Variants in MRPL38 observed in about 807,000 individuals in gnomAD.
The protein encoded by MRPL38 is mitochondrial ribosomal protein L38.
In MRPL38, 51 loss-of-function variants were observed where a neutral mutation model predicts 52.1. The ratio of observed to expected loss-of-function variants is 0.98; its 90% confidence interval spans 0.78 to 1.24. The LOEUF (loss-of-function observed/expected upper bound fraction) is 1.24. MRPL38 is among the 50% of genes most tolerant of loss of function. The probability of loss-of-function intolerance (pLI) is 0.00; values close to 1 mark genes in which losing one functional copy is unlikely to be tolerated. For missense variants in MRPL38, 527 were observed against 518.6 expected (o/e 1.02, Z -0.16); for synonymous variants, 245 against 212.7 (o/e 1.15, Z -1.32).
chr17:75,899,143 C>T lies in MRPL38; in HGVS notation c.1006+15G>A, dbSNP rs374160575. The T allele has an allele frequency of 3.8e-6, 6 of 1,594,078 alleles. No homozygotes were observed. Among genetic ancestry groups the T allele is most frequent in the Non-Finnish European group, 3.4e-6 (4 of 1,171,396 alleles). ...AGCTCAGGCCCACCCAGTGCCCCAG[C>T]CCCATGGCCCTTACCCAGAAGCTGG... On this transcript the variant is annotated intron_variant, in intron 8 of 8. Transcript: ENST00000309352.
Position 75,902,040 on chromosome 17 carries a change from C to G in MRPL38, c.362G>C (p.Arg121Pro). The G allele has an allele frequency of 8.1e-6, 13 of 1,613,504 alleles. No individual in the cohort carries two copies. The highest frequency in any genetic ancestry group is 1.1e-5 in the Non-Finnish European group (13 of 1,179,760). ...QELRANVEEE[R>P]AARLRTASVP... is the part of the protein sequence containing the mutation. The stretch of plus-strand genomic sequence containing the variant: ...CTTACCTGTGCGGAGGCGGGCAGCC[C>G]GCTCCTCTTCCACATTGGCCCGAAG... Residue 121 changes from arginine (R) to proline (P), a missense_variant, in exon 3 of 9, where the codon CGG becomes CCG. Physicochemically the swap from Arg to Pro is moderately radical, Grantham distance 103 (BLOSUM62 -2). Transcript: ENST00000309352.
At chr17:75,899,794 CTCT>C (rs2065395948) in intron 6 of MRPL38, 120 bp from the exon 7 acceptor site, 1 of 876,886 alleles carries the variant, frequency 1.1e-6, no homozygotes, top group Non-Finnish European at 1.6e-6. Flanking sequence ...CTAAGCATCT[CTCT>C]CCTGGGACAG....
At chr17:75,903,599 G>T (rs923143718) in intron 2 of MRPL38, among the ~76,000 whole-genome samples, 1 of 152,048 alleles carries the variant, frequency 6.6e-6, no homozygotes, top group African/African-American at 2.4e-5. Context: ...GATTTAAATC[G>T]GGCTATTTAG....
Position 75,904,849 on chromosome 17 carries a change from C to G in MRPL38, c.27G>C (p.Ala9=). ...CCCGCCATCTCCGACACTCGCACAG[C>G]GCGGCTCGCCACCAGGGCGCCGCCA... MAAPWWRA[A]LCECRRWRGF... is the part of the protein sequence containing the mutation. The change falls in exon 1 of 9, where the codon GCG becomes GCC. Residue 9 remains alanine, a synonymous_variant. Coordinates refer to ENST00000309352, the MANE Select transcript of MRPL38 (RefSeq NM_032478.4). The G allele has an allele frequency of 1.3e-6, 2 of 1,526,840 alleles. No homozygotes were observed. The highest frequency in any genetic ancestry group is 1.7e-6 in the Non-Finnish European group (2 of 1,143,954). The allele number at this position is 1,526,840 out of a possible 1,614,324, so 94.6% of individuals were successfully genotyped here.
Position 75,902,150 on chromosome 17 carries a change from G to A in MRPL38, c.252C>T (p.Pro84=), listed in dbSNP as rs370442792. The change falls in exon 3 of 9, where the codon CCC becomes CCT. Residue 84 remains proline, a synonymous_variant. Coordinates refer to ENST00000309352, the MANE Select transcript of MRPL38 (RefSeq NM_032478.4). Reference sequence around the variant, plus strand: ...GCAGCCCAATATCAATCTTCTCTTTGGGATCTGGAGTGGGAAGATGTGTGG... The same window carrying A: ...GCAGCCCAATATCAATCTTCTCTTTAGGATCTGGAGTGGGAAGATGTGTGG... ...YREYFGEKTD[P]KEKIDIGLPP... 1.8e-5 allele frequency: 28 copies of A among 1,557,132 alleles called. No homozygotes were observed. In the African/African-American group the frequency reaches 3.7e-4, roughly 20 times the overall value.
rs1410257146 is a variant in MRPL38, at chr17:75,901,689, G to A, written c.591+23C>T. On this transcript the variant is annotated intron_variant, in intron 4 of 8. Transcript: ENST00000309352. The surrounding 1 kb of genome is among the most constrained non-coding windows in gnomAD (Gnocchi z 5.7). Reference sequence around the variant, plus strand: ...GTCTGTGTTTGCACAGGGCAGGGAGGAGGGGCACAAGTGAGTGGTTACCTC... The same window carrying A: ...GTCTGTGTTTGCACAGGGCAGGGAGAAGGGGCACAAGTGAGTGGTTACCTC... 1.2e-6 allele frequency: 2 copies of A among 1,603,428 alleles called. No individual in the cohort carries two copies. Among genetic ancestry groups the A allele is most frequent in the South Asian group, 1.1e-5 (1 of 90,832 alleles).
Position 75,904,538 on chromosome 17 carries a change from A to C in MRPL38, c.247+2T>G, listed in dbSNP as rs760937862. 1 of 1,531,332 alleles carries C rather than the reference A, an allele frequency of 6.5e-7. No individual in the cohort carries two copies. The allele number at this position is 1,531,332 out of a possible 1,614,324, so 94.9% of individuals were successfully genotyped here. On this transcript the variant is annotated splice_donor_variant, in intron 2 of 8. Transcript: ENST00000309352. LOFTEE classifies it high-confidence loss of function. ...GCAGCCCCTGCTCCAGTCGCCCCGC[A>C]CCTGTCTTCTCCCCGAAATACTCTC...
At chr17:75,904,768 C>CGGGGGGGGGGG in intron 1 of MRPL38, 41 bp downstream of exon 1, 1 of 1,056,384 alleles carries the variant, frequency 9.5e-7, no homozygotes, top group Non-Finnish European at 1.2e-6. Flanking sequence ...GCTCGGGCGA[C>CGGGGGGGGGGG]AGCCCCCCCC....
rs745415254 is a variant in MRPL38 at position 75,898,957 on chromosome 17, G to A, written c.1036C>T (p.Arg346Trp). The change falls in exon 9 of 9, where the codon CGG (arginine) becomes TGG (tryptophan). Residue 346 changes from arginine (R) to tryptophan (W), a missense_variant. Physicochemically the swap from Arg to Trp is moderately radical, Grantham distance 101. Coordinates refer to ENST00000309352, the MANE Select transcript of MRPL38 (RefSeq NM_032478.4). Reference protein sequence around the residue: ...DMREPVFEFVRPPPYHPKQKR... With the variant: ...DMREPVFEFVWPPPYHPKQKR... ...TGCTTGGGGTGGTAAGGGGGCGGCC[G>A]CACGAACTCAAACACCGGCTCCCGC... The A allele has an allele frequency of 2.6e-5, 41 of 1,603,828 alleles. 1 individual carries two copies. Among genetic ancestry groups the A allele is most frequent in the Middle Eastern group, 3.4e-4 (2 of 5,960 alleles).
At chr17:75,902,554 G>A (rs991675525) in intron 2 of MRPL38, among the ~76,000 whole-genome samples, 3 of 152,132 alleles carry the variant, frequency 2.0e-5, no homozygotes, top group African/African-American at 7.2e-5. Context: ...GTGAGGGGGC[G>A]GGCACATCTT....
chr17:75,904,768 C>CGGGGGGG, intron 1 of MRPL38, 41 bp downstream of exon 1: 4 of 1,056,380 alleles, frequency 3.8e-6, no homozygotes, highest in Non-Finnish European at 5.0e-6. Flanking sequence ...GCTCGGGCGA[C>CGGGGGGG]AGCCCCCCCC....
At chr17:75,903,704 G>A (rs1254828961) in intron 2 of MRPL38, among the ~76,000 whole-genome samples, 1 of 151,506 alleles carries the variant, frequency 6.6e-6, no homozygotes, top group African/African-American at 2.4e-5. Context: ...TAAATTGTAA[G>A]TTCCTTAAAG....
In MRPL38 at chr17:75,901,334, C is replaced by G. The variant is rs1421561411; in HGVS notation, c.592-61G>C. The G allele has an allele frequency of 4.5e-6, 7 of 1,554,878 alleles. No individual in the cohort carries two copies. Among genetic ancestry groups the G allele is most frequent in the East Asian group, 2.3e-5 (1 of 43,646 alleles). On this transcript the variant is annotated intron_variant, in intron 4 of 8. Transcript: ENST00000309352. The surrounding 1 kb of genome is among the most constrained non-coding windows in gnomAD (Gnocchi z 5.7). ...GGGACAGGCCAGCTGTTGCAGGGAGCCTTGGAGAAAGGGGTGCCCACTCTG... is the reference window on the plus strand; with the variant it reads ...GGGACAGGCCAGCTGTTGCAGGGAGGCTTGGAGAAAGGGGTGCCCACTCTG...
chr17:75,904,632 C>T lies in MRPL38; in HGVS notation c.155G>A (p.Arg52Gln), dbSNP rs139030605. ...TCGGCGCCGGTAGCGGTCGAAGCTC[C>T]GGTACTTCTCCAGCCGCTCCAGGTT... is the stretch of plus-strand genomic sequence containing the variant. ...LSNLERLEKYRSFDRYRRRAE... is the reference protein window; with the variant it reads ...LSNLERLEKYQSFDRYRRRAE... The change falls in exon 2 of 9, where the codon CGG becomes CAG. Residue 52 changes from arginine (R) to glutamine (Q), a missense_variant. Arg to Gln is a conservative substitution (Grantham distance 43, BLOSUM62 1). Transcript: ENST00000309352. 2.7e-5 allele frequency: 43 copies of T among 1,595,286 alleles called. No homozygotes were observed. Among genetic ancestry groups the T allele is most frequent in the Non-Finnish European group, 3.6e-5 (42 of 1,177,904 alleles).
chr17:75,904,842 C>A lies in MRPL38; in HGVS notation c.34G>T (p.Glu12Ter). 1 of 1,527,788 alleles carries A rather than the reference C, an allele frequency of 6.5e-7. No homozygotes were observed. Among genetic ancestry groups the A allele is most frequent in the Non-Finnish European group, 8.7e-7 (1 of 1,144,180 alleles). 94.6% of individuals were successfully genotyped at this position (1,527,788 alleles called of 1,614,324 possible). A position where few individuals can be genotyped will look rare whatever the true frequency, so the allele number is the denominator to read the frequency against. ...AAPWWRAALC[E>*]CRRWRGFSTS... ...CTGAAGCCCCGCCATCTCCGACACTCGCACAGCGCGGCTCGCCACCAGGGC... is the reference window on the plus strand; with the variant it reads ...CTGAAGCCCCGCCATCTCCGACACTAGCACAGCGCGGCTCGCCACCAGGGC... Residue 12 changes from glutamate to a stop codon, truncating the protein, a stop_gained, in exon 1 of 9, where the codon GAG (glutamate) becomes TAG (stop). Coordinates refer to ENST00000309352, the MANE Select transcript of MRPL38 (RefSeq NM_032478.4). LOFTEE classifies it high-confidence loss of function.
rs368935443 is a variant in MRPL38, at chr17:75,901,046, G to C, written c.665-19C>G. 6 of 1,610,048 alleles carry C rather than the reference G, an allele frequency of 3.7e-6. No homozygotes were observed. In the African/African-American group the frequency reaches 8.0e-5, roughly 22 times the overall value. On this transcript the variant is annotated intron_variant, in intron 5 of 8. Transcript: ENST00000309352. The surrounding 1 kb of genome is among the most constrained non-coding windows in gnomAD (Gnocchi z 5.7). ...TGCCCATCTGCACAAAAACACACCT[G>C]CTGACCACGGCCCAGCCGACCACGG...
Position 75,901,995 on chromosome 17 carries a change from T to A in MRPL38, c.382+25A>T. Reference sequence around the variant, plus strand: ...CACACCCTGTACCCCAACTCTGGGATGGCCCCTCCCCTGAGAAGGCTTACC... The same window carrying A: ...CACACCCTGTACCCCAACTCTGGGAAGGCCCCTCCCCTGAGAAGGCTTACC... On this transcript the variant is annotated intron_variant, in intron 3 of 8. Coordinates refer to ENST00000309352, the MANE Select transcript of MRPL38 (RefSeq NM_032478.4). The surrounding 1 kb of genome is among the most constrained non-coding windows in gnomAD (Gnocchi z 5.7). The A allele has an allele frequency of 6.2e-7, 1 of 1,612,708 alleles. No homozygotes were observed. The highest frequency in any genetic ancestry group is 8.5e-7 in the Non-Finnish European group (1 of 1,179,000).
Position 75,901,702 on chromosome 17 carries a change from G to T in MRPL38, c.591+10C>A. 1 of 1,612,516 alleles carries T rather than the reference G, an allele frequency of 6.2e-7. No individual in the cohort carries two copies. Among genetic ancestry groups the T allele is most frequent in the Non-Finnish European group, 8.5e-7 (1 of 1,178,666 alleles). On this transcript the variant is annotated intron_variant, in intron 4 of 8. Coordinates refer to ENST00000309352, the MANE Select transcript of MRPL38 (RefSeq NM_032478.4). The surrounding 1 kb of genome is among the most constrained non-coding windows in gnomAD (Gnocchi z 5.7). ...CAGGGCAGGGAGGAGGGGCACAAGT[G>T]AGTGGTTACCTCGGTTGGAGTCACC...
chr17:75,900,883 C>A, intron 6 of MRPL38, 99 bp downstream of exon 6: 1 of 1,497,444 alleles, frequency 6.7e-7, no homozygotes, highest in Non-Finnish European at 8.9e-7. Context: ...TTCAAGGTCC[C>A]ATGGGTAGTC....
Sources: allele counts gnomAD v4.1 joint callset (sites outside exome capture counted in the v4.1 genomes callset), GRCh38; gene constraint gnomAD v4.1.1; non-coding constraint Gnocchi (gnomAD v3.1); transcripts MANE v1.5; gene names NCBI Gene and HGNC (gene_info 2026-07-23, HGNC 2026-07-21).